Variants in ARHGAP30 observed in about 807,000 individuals in gnomAD.
The protein encoded by ARHGAP30 is rho GTPase-activating protein 30.
Under a neutral mutation model 72.0 loss-of-function variants are expected in ARHGAP30, and 23 were observed. The ratio of observed to expected loss-of-function variants is 0.32; its 90% CI spans 0.23 to 0.45. The LOEUF is 0.45. ARHGAP30 is among the 20% of genes least tolerant of loss of function. The pLI is 1.00. For synonymous variants in ARHGAP30, 576 were observed against 528.2 expected, an observed-to-expected ratio of 1.09 and a Z score of -1.24; for missense variants, 1,319 against 1,383.4, an observed-to-expected ratio of 0.95 and a Z score of 0.74.
intron 5 of ARHGAP30, 28 bp from the exon 6 acceptor site, chr1:161,053,413 C>G (rs764701897): frequency 2.5e-6 from 4 of 1,609,248 alleles, no homozygotes; most frequent in Non-Finnish European, 3.4e-6. Context: ...TATTCTCCCC[C>G]TCAGCCCCAC....
intron 1 of ARHGAP30, among the ~76,000 whole-genome samples, chr1:161,061,850 G>T (rs955546533): frequency 2.0e-5 from 3 of 152,142 alleles, no homozygotes; most frequent in Non-Finnish European, 4.4e-5. Flanking sequence ...CACTTTGGGA[G>T]GCCAAAGTGG....
Position 161,048,741 on chromosome 1 carries a change from T to G in ARHGAP30, c.2280A>C (p.Glu760Asp), listed in dbSNP as rs1329443858. The G allele has an allele frequency of 6.2e-7, 1 of 1,614,000 alleles. No individual in the cohort carries two copies. Among genetic ancestry groups the G allele is most frequent in the Non-Finnish European group, 8.5e-7 (1 of 1,180,030 alleles). ...GGTCCCTTCCAGCTTCTACCTGGGC[T>G]TCCTCTCTTTGTTCATCCTCTTCTC... is the stretch of plus-strand genomic sequence containing the variant. ...IEREEDEQRE[E>D]AQVEAGRDLE... Residue 760 changes from glutamate to aspartate, a missense_variant, in exon 12 of 12, where the codon GAA (glutamate) becomes GAC (aspartate). Physicochemically the swap from Glu to Asp is conservative, Grantham distance 45. Transcript: ENST00000368013.
At position 161,048,265 on chromosome 1, in the gene ARHGAP30, C is replaced by A; in HGVS notation, c.2756G>T (p.Gly919Val). 1 of 1,614,196 alleles carries A rather than the reference C, an allele frequency of 6.2e-7. No individual in the cohort carries two copies. Among genetic ancestry groups the A allele is most frequent in the Non-Finnish European group, 8.5e-7 (1 of 1,180,024 alleles). ...AGTGGAAGCTAGACGCATGCCCACG[C>A]CACCCAGGCCAAGAGAACAGGGGCA... ...CLCPCSLGLG[G>V]VGMRLASTLV... The change falls in exon 12 of 12, where the codon GGC becomes GTC. Residue 919 changes from glycine (G) to valine (V), a missense_variant. Physicochemically the swap from Gly to Val is moderately radical, Grantham distance 109. This residue lies in a region of ARHGAP30 where 1,097 missense variants were observed against 1,045.2 expected (regional missense o/e 1.05). Coordinates refer to ENST00000368013, the MANE Select transcript of ARHGAP30 (RefSeq NM_001025598.2).
intron 6 of ARHGAP30, 102 bp downstream of exon 6, chr1:161,053,156 T>A: frequency 2.0e-6 from 3 of 1,522,412 alleles, no homozygotes; most frequent in Non-Finnish European, 1.8e-6. Flanking sequence ...ACTACCAACA[T>A]CCCTGTATGA....
Position 161,051,515 on chromosome 1 carries a change from A to C in ARHGAP30, c.1219T>G (p.Cys407Gly), listed in dbSNP as rs756442970. ...RAGGSSRAER[C>G]AGVHISDPYN... Reference sequence around the variant, plus strand: ...GGGTCTGAGATGTGGACACCAGCACAGCGTTCTGCACGGCTGCTGCCCCCA... The same window carrying C: ...GGGTCTGAGATGTGGACACCAGCACCGCGTTCTGCACGGCTGCTGCCCCCA... Residue 407 changes from cysteine to glycine, a missense_variant, in exon 10 of 12, where the codon TGT (cysteine) becomes GGT (glycine). This residue lies in a region of ARHGAP30 where 1,097 missense variants were observed against 1,045.2 expected (regional missense o/e 1.05). Coordinates refer to ENST00000368013, the MANE Select transcript of ARHGAP30 (RefSeq NM_001025598.2). The C allele has an allele frequency of 7.4e-6, 12 of 1,614,212 alleles. No individual in the cohort carries two copies. Among genetic ancestry groups the C allele is most frequent in the Non-Finnish European group, 1.0e-5 (12 of 1,180,038 alleles).
intron 1 of ARHGAP30, chr1:161,060,139 G>T: frequency 2.5e-6 from 1 of 405,170 alleles, no homozygotes; most frequent in Non-Finnish European, 5.0e-6. Context: ...ACACAAATGG[G>T]GTGTGGTGGT....
Position 161,047,802 on chromosome 1 carries a change from G to A in ARHGAP30, c.3219C>T (p.Pro1073=). ...AGGACAACAGGGGGTCAGGAACCTG[G>A]GGTTCTCTGGGGGGCAGACTAAGAC... ...RSRLSLPPRE[P]QVPDPLLSSQ... is the part of the protein sequence containing the mutation. Residue 1073 remains proline, a synonymous_variant, in exon 12 of 12, where the codon CCC becomes CCT. Coordinates refer to ENST00000368013, the MANE Select transcript of ARHGAP30 (RefSeq NM_001025598.2). 1 of 1,602,400 alleles carries A rather than the reference G, an allele frequency of 6.2e-7. No homozygotes were observed. Among genetic ancestry groups the A allele is most frequent in the Non-Finnish European group, 8.5e-7 (1 of 1,175,574 alleles).
intron 7 of ARHGAP30, 22 bp from the exon 8 acceptor site, chr1:161,052,565 A>T: frequency 6.2e-7 from 1 of 1,613,976 alleles, no homozygotes; most frequent in Non-Finnish European, 8.5e-7. Context: ...GGAGGGGCAT[A>T]ATTGGAGGTT....
intron 5 of ARHGAP30, 27 bp from the exon 6 acceptor site, chr1:161,053,412 C>G (rs1451001540): frequency 6.2e-7 from 1 of 1,604,402 alleles, no homozygotes; most frequent in Non-Finnish European, 8.5e-7. Context: ...TTATTCTCCC[C>G]CTCAGCCCCA....
At chr1:161,053,145 C>T in intron 6 of ARHGAP30, 113 bp downstream of exon 6, 1 of 1,464,922 alleles carries the variant, frequency 6.8e-7, no homozygotes, top group Admixed American at 2.0e-5. Context: ...TCCATGTGGC[C>T]ACTACCAACA....
At chr1:161,059,760 G>A in intron 1 of ARHGAP30, 44 bp from the exon 2 acceptor site, 2 of 1,558,028 alleles carry the variant, frequency 1.3e-6, no homozygotes, top group Middle Eastern at 3.4e-4. Context: ...CAGAGGATCT[G>A]GGTGGTCAAA....
At chr1:161,065,754 A>G (rs1246995815) in intron 1 of ARHGAP30, among the ~76,000 whole-genome samples, 3 of 151,948 alleles carry the variant, frequency 2.0e-5, no homozygotes, top group Non-Finnish European at 2.9e-5. Context: ...TCTAGTAGAG[A>G]CAGAGTTTCT....
At position 161,052,694 on chromosome 1, in the gene ARHGAP30, T is replaced by C. The variant is rs754838935; in HGVS notation, c.768A>G (p.Ile256Met). The change falls in exon 7 of 12, where the codon ATA becomes ATG. Residue 256 changes from isoleucine (I) to methionine (M), a missense_variant. Physicochemically the swap from Ile to Met is conservative, Grantham distance 10. This residue lies in a region of ARHGAP30 where 222 missense variants were observed against 338.2 expected (regional missense o/e 0.66). Transcript: ENST00000368013. ...GTGGGGGTCCATCGCCAGCCTGCAG[T>C]ATGCTAGGCAGGTGATAAGGCAGTG... ...PRPLPYHLPS[I>M]LQAGDGPPQM... 17 of 1,613,498 alleles carry C rather than the reference T, an allele frequency of 1.1e-5. 1 individual carries two copies. In the South Asian group the frequency reaches 1.3e-4, roughly 13 times the overall value.
At chr1:161,051,063 C>T (rs1369420859) in intron 10 of ARHGAP30, among the ~76,000 whole-genome samples, 1 of 152,248 alleles carries the variant, frequency 6.6e-6, no homozygotes, top group African/African-American at 2.4e-5. Context: ...ATGTTTCTGA[C>T]ACAGGCCCCT....
Position 161,051,641 on chromosome 1 carries a change from T to C in ARHGAP30, c.1093A>G (p.Ile365Val). 6.2e-7 allele frequency: 1 copy of C among 1,613,080 alleles called. No homozygotes were observed. The highest frequency in any genetic ancestry group is 2.2e-5 in the East Asian group (1 of 44,882). ...LLPESLENDS[I>V]EAAEGEQEPE... Reference sequence around the variant, plus strand: ...TCCTGTTCACCCTCTGCTGCCTCTATAGAATCGTTCTCCAAGCTCTCAGGC... The same window carrying C: ...TCCTGTTCACCCTCTGCTGCCTCTACAGAATCGTTCTCCAAGCTCTCAGGC... Residue 365 changes from isoleucine to valine, a missense_variant, in exon 10 of 12, where the codon ATA (isoleucine) becomes GTA (valine). Transcript: ENST00000368013.
At chr1:161,053,537 A>G (rs1651604101) in intron 5 of ARHGAP30, 152 bp from the exon 6 acceptor site, 1 of 1,041,162 alleles carries the variant, frequency 9.6e-7, no homozygotes, top group Non-Finnish European at 1.3e-6. Flanking sequence ...CTACCTCTTA[A>G]ATTGTATGCA....
At chr1:161,064,919 G>A (rs374825575) in intron 1 of ARHGAP30, among the ~76,000 whole-genome samples, 1 of 150,072 alleles carries the variant, frequency 6.7e-6, no homozygotes, top group African/African-American at 2.4e-5. Flanking sequence ...GGAAGGAAGA[G>A]AAAAGGAAAG....
At chr1:161,063,506 A>G (rs1343464815) in intron 1 of ARHGAP30, among the ~76,000 whole-genome samples, 1 of 152,230 alleles carries the variant, frequency 6.6e-6, no homozygotes, top group African/African-American at 2.4e-5. Flanking sequence ...CCTGTCAGCC[A>G]AGAAGGATGT....
Position 161,049,038 on chromosome 1 carries a change from C to T in ARHGAP30, c.1983G>A (p.Lys661=). The part of the protein sequence containing the change: ...EQACWEVGED[K]QAEPGGRLDI... Reference sequence around the variant, plus strand: ...CTAGCCTGCCTCCAGGCTCAGCCTGCTTGTCCTCCCCAACTTCCCAGCATG... The same window carrying T: ...CTAGCCTGCCTCCAGGCTCAGCCTGTTTGTCCTCCCCAACTTCCCAGCATG... Residue 661 remains lysine, a synonymous_variant, in exon 12 of 12, where the codon AAG becomes AAA. Coordinates refer to ENST00000368013, the MANE Select transcript of ARHGAP30 (RefSeq NM_001025598.2). 2 of 1,614,096 alleles carry T rather than the reference C, an allele frequency of 1.2e-6. No individual in the cohort carries two copies. Among genetic ancestry groups the T allele is most frequent in the Non-Finnish European group, 1.7e-6 (2 of 1,180,026 alleles).
Sources: allele counts gnomAD v4.1 joint callset (sites outside exome capture counted in the v4.1 genomes callset), GRCh38; gene constraint gnomAD v4.1.1; regional missense constraint gnomAD v4.1.1; transcripts MANE v1.5; gene names NCBI Gene and HGNC (gene_info 2026-07-23, HGNC 2026-07-21).